SYN3: variants seen among roughly 807,000 people sequenced by gnomAD.
The protein encoded by SYN3 is synapsin-3.
A neutral mutation model predicts 65.8 loss-of-function variants in SYN3; 35 were observed. The observed-to-expected ratio is 0.53, with a 90% CI of 0.41 to 0.70. The LOEUF is 0.70. Ranked by LOEUF, SYN3 falls within the 30% of genes least tolerant of loss-of-function variation. The probability of loss-of-function intolerance (pLI) is 0.00; values close to 1 mark genes in which losing one functional copy is unlikely to be tolerated. For synonymous variants in SYN3, 270 were observed against 292.9 expected (o/e 0.92, Z 0.80); for missense variants, 680 against 749.0 (o/e 0.91, Z 1.08).
At chr22:32,703,670 G>C (rs2147211924) in intron 6 of SYN3, among the ~76,000 whole-genome samples, 1 of 151,124 alleles carries the variant, frequency 6.6e-6, no homozygotes, top group Non-Finnish European at 1.5e-5. Context: ...AGAGAGTTTT[G>C]CCTATGTTCT....
chr22:32,689,429 T>TA (rs1289356845), intron 6 of SYN3, among the ~76,000 whole-genome samples: 3 of 152,030 alleles, frequency 2.0e-5, no homozygotes, highest in Non-Finnish European at 4.4e-5. Context: ...AGAATTGGAG[T>TA]AAGATACAGG....
intron 6 of SYN3, among the ~76,000 whole-genome samples, chr22:32,781,355 G>T (rs375310745): frequency 6.6e-6 from 1 of 152,054 alleles, no homozygotes; most frequent in African/African-American, 2.4e-5. Context: ...ATCCCTGAGA[G>T]CCTGAATAGA....
chr22:32,702,874 C>G (rs2060828482), intron 6 of SYN3, among the ~76,000 whole-genome samples: 1 of 152,114 alleles, frequency 6.6e-6, no homozygotes, highest in African/African-American at 2.4e-5. Context: ...GAGACATTCA[C>G]AAAGAAACTA....
intron 4 of SYN3, among the ~76,000 whole-genome samples, chr22:32,889,867 T>C (rs1285437697): frequency 6.6e-6 from 1 of 152,072 alleles, no homozygotes; most frequent in Non-Finnish European, 1.5e-5. Flanking sequence ...GGAATTTACT[T>C]ACTGAATCAA....
At chr22:32,767,780 T>C (rs139146215) in intron 6 of SYN3, among the ~76,000 whole-genome samples, 1 of 152,330 alleles carries the variant, frequency 6.6e-6, no homozygotes, top group African/African-American at 2.4e-5. Context: ...GATTTTGTCT[T>C]TGTATTGATT....
chr22:32,560,082 C>T (rs933173788), intron 7 of SYN3, among the ~76,000 whole-genome samples: 2 of 152,354 alleles, frequency 1.3e-5, no homozygotes, highest in African/African-American at 2.4e-5. Flanking sequence ...GCTGGCAGGC[C>T]ACTGCGCATG....
intron 7 of SYN3, among the ~76,000 whole-genome samples, chr22:32,569,842 T>G (rs1322031883): frequency 6.6e-6 from 1 of 152,178 alleles, no homozygotes; most frequent in Non-Finnish European, 1.5e-5. Context: ...ACTGGCCCAA[T>G]GATTTGAACA....
intron 6 of SYN3, among the ~76,000 whole-genome samples, chr22:32,781,702 G>A (rs2046070850): frequency 1.3e-5 from 2 of 150,698 alleles, no homozygotes; most frequent in Admixed American, 6.6e-5. Context: ...TATTATTATT[G>A]TTGTTGTTGT....
At chr22:32,672,587 C>G (rs2060386183) in intron 6 of SYN3, among the ~76,000 whole-genome samples, 1 of 152,224 alleles carries the variant, frequency 6.6e-6, no homozygotes, top group Non-Finnish European at 1.5e-5. Context: ...TCTCTCTGAT[C>G]TCTCCACAGG....
At chr22:32,989,016 T>C (rs1398570745) in intron 2 of SYN3, among the ~76,000 whole-genome samples, 1 of 152,102 alleles carries the variant, frequency 6.6e-6, no homozygotes, top group Non-Finnish European at 1.5e-5. Flanking sequence ...AACAGGATTA[T>C]ATGAAGACAC....
intron 6 of SYN3, among the ~76,000 whole-genome samples, chr22:32,820,367 T>C (rs2047211912): frequency 6.7e-6 from 1 of 149,596 alleles, no homozygotes; most frequent in Non-Finnish European, 1.5e-5. Context: ...TGTGTGTGTG[T>C]GTGTGTGTGT....
chr22:32,781,242 C>T (rs893880712), intron 6 of SYN3, among the ~76,000 whole-genome samples: 1 of 152,036 alleles, frequency 6.6e-6, no homozygotes, highest in Admixed American at 6.6e-5. Flanking sequence ...CTGGGAAGTG[C>T]CATCTTTTAG....
At chr22:32,583,032 T>C (rs1050965868) in intron 7 of SYN3, among the ~76,000 whole-genome samples, 7 of 152,134 alleles carry the variant, frequency 4.6e-5, no homozygotes, top group African/African-American at 1.7e-4. Flanking sequence ...AGGACAGAGC[T>C]ATTGGTATGG....
intron 4 of SYN3, among the ~76,000 whole-genome samples, chr22:32,906,669 C>A (rs919949490): frequency 2.0e-5 from 3 of 152,038 alleles, no homozygotes; most frequent in Non-Finnish European, 4.4e-5. Context: ...CCCCCCACCC[C>A]CCGACAGGCC....
chr22:32,857,106 T>A (rs1168218050), intron 6 of SYN3: 1 of 718,094 alleles, frequency 1.4e-6, no homozygotes, highest in Non-Finnish European at 2.6e-6. Flanking sequence ...TTGTGAATAT[T>A]GCTGCAGTCA....
intron 6 of SYN3, among the ~76,000 whole-genome samples, chr22:32,734,431 A>G (rs2061311053): frequency 1.3e-5 from 2 of 152,216 alleles, no homozygotes; most frequent in Non-Finnish European, 2.9e-5. Context: ...GGATGGGGGC[A>G]GAGACACTGA....
chr22:32,715,940 T>A (rs902357610), intron 6 of SYN3, among the ~76,000 whole-genome samples: 1 of 152,122 alleles, frequency 6.6e-6, no homozygotes, highest in African/African-American at 2.4e-5. Flanking sequence ...TGATTGTCAG[T>A]GCAGAGAATG....
intron 6 of SYN3, among the ~76,000 whole-genome samples, chr22:32,688,735 G>T (rs1325531193): frequency 1.4e-5 from 2 of 147,932 alleles, no homozygotes; most frequent in African/African-American, 5.0e-5. Context: ...GCCTGGGGCT[G>T]TCCAGCCACG....
At chr22:33,032,833 T>C (rs1448671655) in intron 1 of SYN3, among the ~76,000 whole-genome samples, 1 of 152,126 alleles carries the variant, frequency 6.6e-6, no homozygotes, top group African/African-American at 2.4e-5. Context: ...AGCTTCAAGA[T>C]GTACTGCTTT....
Sources: gnomAD v4.1 joint callset for allele counts (sites outside exome capture counted in the v4.1 genomes callset) on GRCh38, gnomAD v4.1.1 for gene constraint, MANE v1.5 for transcripts, NCBI Gene and HGNC (gene_info 2026-07-23, HGNC 2026-07-21) for gene names.